The following SPCS2 variants were observed in gnomAD, a reference collection of about 807,000 sequenced individuals.
SPCS2 encodes SPase 25 kDa subunit.
Under a neutral mutation model 22.3 loss-of-function variants are expected in SPCS2, and 3 were observed. That is an observed-to-expected ratio of 0.13 (90% confidence interval 0.06 to 0.35). The LOEUF (loss-of-function observed/expected upper bound fraction) is 0.35, where lower values mean the gene tolerates loss of function less well. Among genes scored for constraint, SPCS2 ranks in the 10% least tolerant of loss-of-function variants. The pLI is 1.00. For synonymous variants in SPCS2, 67 were observed against 97.2 expected (o/e 0.69, Z 1.83); for missense variants, 169 against 280.9 (o/e 0.60, Z 2.85).
intron 3 of SPCS2, among the ~76,000 whole-genome samples, chr11:74,967,457 A>G (rs1302800325): frequency 2.0e-5 from 3 of 152,206 alleles, no homozygotes; most frequent in African/African-American, 7.2e-5. Context: ...ACCATTATAA[A>G]TGTCTTCTGT....
At chr11:74,951,426 A>G (rs1326816957) in intron 1 of SPCS2, among the ~76,000 whole-genome samples, 4 of 152,204 alleles carry the variant, frequency 2.6e-5, no homozygotes, top group Non-Finnish European at 5.9e-5. Context: ...AATCTATTTA[A>G]GGAAGTATAT....
At chr11:74,952,634 G>T (rs182429483) in intron 1 of SPCS2, among the ~76,000 whole-genome samples, 2 of 152,072 alleles carry the variant, frequency 1.3e-5, no homozygotes, top group African/African-American at 4.8e-5. Context: ...CTGTCCTTTG[G>T]AATCTACTAG....
chr11:74,975,654 GA>G (rs1475594353), intron 4 of SPCS2, among the ~76,000 whole-genome samples: 2 of 152,210 alleles, frequency 1.3e-5, no homozygotes, highest in Non-Finnish European at 2.9e-5. Context: ...TTGAGGTGTT[GA>G]AAATAGTTAA....
At chr11:74,964,382 C>T (rs1010787676) in intron 1 of SPCS2, among the ~76,000 whole-genome samples, 2 of 152,190 alleles carry the variant, frequency 1.3e-5, no homozygotes, top group East Asian at 3.8e-4. Context: ...TAGAGTTTGT[C>T]CACTCAACTC....
In SPCS2 at chr11:74,977,880, GATA is replaced by G. The variant is rs746447736; in HGVS notation, c.*842_*844del. The G allele has an allele frequency of 3.9e-5, 6 of 152,100 alleles. No individual in the cohort carries two copies. Among genetic ancestry groups the G allele is most frequent in the Non-Finnish European group, 8.8e-5 (6 of 68,028 alleles). 9.4% of individuals were successfully genotyped at this position (152,100 alleles called of 1,614,324 possible). ...GCTAAGGAACTCTTAGCTTTCCAGT[GATA>G]ATAACAATAATAACAACATTCTGTA... On this transcript the variant is annotated 3_prime_UTR_variant, in exon 5 of 5. Transcript: ENST00000263672.
chr11:74,969,109 C>G (rs921995860), intron 3 of SPCS2, among the ~76,000 whole-genome samples: 5 of 152,126 alleles, frequency 3.3e-5, no homozygotes, highest in African/African-American at 1.2e-4. Flanking sequence ...AGGAAGTAAT[C>G]GTAGTACTAT....
At chr11:74,949,611 C>T in intron 1 of SPCS2, 1 of 618,414 alleles carries the variant, frequency 1.6e-6, no homozygotes, top group African/African-American at 1.8e-5. Context: ...TTCTTCTTTT[C>T]TCGCAAGTGT....
intron 1 of SPCS2, among the ~76,000 whole-genome samples, chr11:74,960,564 A>G (rs1948507254): frequency 6.6e-6 from 1 of 151,290 alleles, no homozygotes; most frequent in African/African-American, 2.4e-5. Flanking sequence ...TCAAGATACA[A>G]TGTATAGCTG....
In SPCS2 at chr11:74,965,147, T is replaced by G. The variant is rs1236996114; in HGVS notation, c.198+30T>G. On this transcript the variant is annotated intron_variant, in intron 2 of 4. Transcript: ENST00000263672. ...TTTCTTGAGGAGGGGTTGGTTAGTA[T>G]CTATACAGCTGATGGCCATCTCTCC... The G allele has an allele frequency of 7.7e-6, 11 of 1,424,766 alleles. No individual in the cohort carries two copies. In the Middle Eastern group the frequency reaches 5.2e-4, roughly 68 times the overall value. 88.3% of individuals were successfully genotyped at this position (1,424,766 alleles called of 1,614,324 possible).
chr11:74,949,324 T>G lies in SPCS2; in HGVS notation c.39T>G (p.Gly13=), dbSNP rs763003103. 3 of 1,550,542 alleles carry G rather than the reference T, an allele frequency of 1.9e-6. No individual in the cohort carries two copies. Among genetic ancestry groups the G allele is most frequent in the Admixed American group, 2.0e-5 (1 of 50,530 alleles). Residue 13 remains glycine (G), a synonymous_variant, in exon 1 of 5, where the codon GGT becomes GGG. Coordinates refer to ENST00000263672, the MANE Select transcript of SPCS2 (RefSeq NM_014752.3). ...CTGTACAGGGCGGGAGAAGCGGTGG[T>G]AGCGGAGGCTGTAGTGGGGCTGGTG... ...AAAVQGGRSG[G]SGGCSGAGGA... is the part of the protein sequence containing the mutation.
intron 4 of SPCS2, among the ~76,000 whole-genome samples, chr11:74,975,479 T>C (rs1948609523): frequency 1.3e-5 from 2 of 152,188 alleles, no homozygotes; most frequent in Admixed American, 1.3e-4. Context: ...ATAGGTAGGC[T>C]CAGTAAATAT....
intron 4 of SPCS2, among the ~76,000 whole-genome samples, chr11:74,970,483 C>A (rs1416646022): frequency 6.6e-6 from 1 of 152,146 alleles, no homozygotes; most frequent in African/African-American, 2.4e-5. Flanking sequence ...AATTCCAGCC[C>A]AAGTTTGAAA....
chr11:74,951,536 C>T lies in SPCS2; in HGVS notation c.114+2137C>T, dbSNP rs149675132. ...GATAAGAGTAAGAGCCTCGGCCGGGCGCAGTGGCTCACACCTGTAAACCCA... is the reference window on the plus strand; with the variant it reads ...GATAAGAGTAAGAGCCTCGGCCGGGTGCAGTGGCTCACACCTGTAAACCCA... On this transcript the variant is annotated intron_variant, in intron 1 of 4. Coordinates refer to ENST00000263672, the MANE Select transcript of SPCS2 (RefSeq NM_014752.3). 6.2e-3 allele frequency among the ~76,000 whole-genome samples: 942 copies of T among 152,068 alleles called. 31 individuals carry two copies. Among genetic ancestry groups the T allele is most frequent in the Non-Finnish European group, 2.2e-3 (151 of 67,990 alleles).
intron 4 of SPCS2, among the ~76,000 whole-genome samples, chr11:74,969,907 A>G (rs1227082193): frequency 6.6e-6 from 1 of 152,234 alleles, no homozygotes; most frequent in Non-Finnish European, 1.5e-5. Flanking sequence ...CTCTGAGGAT[A>G]AACTGTGGGA....
intron 4 of SPCS2, among the ~76,000 whole-genome samples, chr11:74,971,167 C>G (rs1365065216): frequency 6.6e-6 from 1 of 152,220 alleles, no homozygotes; most frequent in Non-Finnish European, 1.5e-5. Flanking sequence ...ATGTATACTG[C>G]ACACAAGGTT....
chr11:74,949,727 A>G (rs1591729851), intron 1 of SPCS2: 1 of 453,400 alleles, frequency 2.2e-6, no homozygotes, highest in Non-Finnish European at 4.4e-6. Flanking sequence ...GTCAGTGCCC[A>G]TTTCACAGAC....
At chr11:74,952,665 G>A (rs1736727195) in intron 1 of SPCS2, among the ~76,000 whole-genome samples, 1 of 152,098 alleles carries the variant, frequency 6.6e-6, no homozygotes, top group Admixed American at 6.5e-5. Context: ...TCTTTGTAAA[G>A]GGCTGTCTGT....
intron 1 of SPCS2, among the ~76,000 whole-genome samples, chr11:74,950,272 A>G (rs1380525962): frequency 6.6e-6 from 1 of 152,090 alleles, no homozygotes; most frequent in Non-Finnish European, 1.5e-5. Flanking sequence ...TCTCATCTGC[A>G]AAGTGAGAGA....
chr11:74,958,529 T>C (rs1948492124), intron 1 of SPCS2, among the ~76,000 whole-genome samples: 1 of 152,216 alleles, frequency 6.6e-6, no homozygotes, highest in South Asian at 2.1e-4. Context: ...ATAGGCACTA[T>C]ATATTTCCAA....
Sources: allele counts gnomAD v4.1 joint callset (sites outside exome capture counted in the v4.1 genomes callset), GRCh38; gene constraint gnomAD v4.1.1; transcripts MANE v1.5; gene names NCBI Gene and HGNC (gene_info 2026-07-23, HGNC 2026-07-21).